The following FUT8 variants were observed in gnomAD, a reference collection of about 807,000 sequenced individuals.
FUT8 encodes fucosyltransferase 8.
A neutral mutation model predicts 71.3 loss-of-function variants in FUT8; 29 were observed. That is an observed-to-expected ratio of 0.41 (90% CI 0.30 to 0.55). The LOEUF is 0.55. Ranked by LOEUF, FUT8 falls within the 20% of genes least tolerant of loss-of-function variation. The probability of loss-of-function intolerance (pLI) is 0.34; values close to 1 mark genes in which losing one functional copy is unlikely to be tolerated. For missense variants in FUT8, 544 were observed against 702.1 expected, an observed-to-expected ratio of 0.77 and a Z score of 2.55; for synonymous variants, 254 against 239.3, an observed-to-expected ratio of 1.06 and a Z score of -0.57.
chr14:65,598,185 T>C (rs1488090215), intron 3 of FUT8, among the ~76,000 whole-genome samples: 1 of 152,120 alleles, frequency 6.6e-6, no homozygotes, highest in Non-Finnish European at 1.5e-5. Flanking sequence ...ATTATTCTAT[T>C]ATGTAACAGT....
chr14:65,706,036 C>T (rs983602127), intron 7 of FUT8, among the ~76,000 whole-genome samples: 2 of 152,182 alleles, frequency 1.3e-5, no homozygotes, highest in African/African-American at 4.8e-5. Context: ...AAAGAACTAA[C>T]ATTTTCTGAG....
rs935681165 is a variant in FUT8, at chr14:65,638,874, C to A, written c.597+9268C>A. Among the ~76,000 whole-genome samples the A allele has an allele frequency of 6.6e-6, 1 of 152,042 alleles. No individual in the cohort carries two copies. Among genetic ancestry groups the A allele is most frequent in the Non-Finnish European group, 1.5e-5 (1 of 68,022 alleles). ...GTATTTCCGCCTAACCAAAATAAAG[C>A]CAGAAGTGGTAATATCTGTAACTCA... On this transcript the variant is annotated intron_variant, in intron 6 of 10. Coordinates refer to ENST00000673929, the MANE Select transcript of FUT8 (RefSeq NM_001371533.1). This position sits in a 1 kb window ranked among gnomAD's most constrained non-coding sequence, Gnocchi z 4.5.
Position 65,413,488 on chromosome 14 carries a change from C to T in FUT8, c.-326+274C>T, listed in dbSNP as rs2065170972. On this transcript the variant is annotated intron_variant, in intron 1 of 10. Transcript: ENST00000673929. This position sits in a 1 kb window ranked among gnomAD's most constrained non-coding sequence, Gnocchi z 4.1. ...CGCGGAGCTGCGCCGCTGCTGCCCT[C>T]GGCGTCGCGCATCCTTGCCTAGGGC... Among the ~76,000 whole-genome samples, 1 of 149,904 alleles carries T rather than the reference C, an allele frequency of 6.7e-6. No individual in the cohort carries two copies. Among genetic ancestry groups the T allele is most frequent in the African/African-American group, 2.4e-5 (1 of 40,834 alleles).
chr14:65,597,696 A>G (rs1888068275), intron 3 of FUT8, among the ~76,000 whole-genome samples: 2 of 145,044 alleles, frequency 1.4e-5, no homozygotes, highest in Admixed American at 7.0e-5. Context: ...AGTAAAGTCC[A>G]TGATAGTGTA....
At chr14:65,558,463 TATA>T (rs1159788363) in intron 2 of FUT8, among the ~76,000 whole-genome samples, 1 of 152,208 alleles carries the variant, frequency 6.6e-6, no homozygotes, top group Non-Finnish European at 1.5e-5. Context: ...ACCATTTCCT[TATA>T]ATAGCATTCT....
chr14:65,625,064 CATAAATAA>C lies in FUT8; in HGVS notation c.483-4401_483-4394del, dbSNP rs145476463. ...CTGGGCAACAAGAGTGAAACTCTGT[CATAAATAA>C]ATAAATAAATAAATAAATAAATAAA... On this transcript the variant is annotated intron_variant, in intron 5 of 10. Coordinates refer to ENST00000673929, the MANE Select transcript of FUT8 (RefSeq NM_001371533.1). Among the ~76,000 whole-genome samples the C allele has an allele frequency of 1.0e-3, 150 of 146,524 alleles. 1 individual carries two copies. Among genetic ancestry groups the C allele is most frequent in the African/African-American group, 2.9e-3 (115 of 39,674 alleles).
rs533379763 is a variant in FUT8 at position 65,660,129 on chromosome 14, C to T, written c.598-9114C>T. ...TATGCATCATTAATTATCTGCCTTT[C>T]CTTTGTGGCCCTTCTGATGGCAGAA... On this transcript the variant is annotated intron_variant, in intron 6 of 10. Transcript: ENST00000673929. This position sits in a 1 kb window ranked among gnomAD's most constrained non-coding sequence, Gnocchi z 4.1. Among the ~76,000 whole-genome samples the T allele has an allele frequency of 6.6e-6, 1 of 152,168 alleles. No individual in the cohort carries two copies. Among genetic ancestry groups the T allele is most frequent in the African/African-American group, 2.4e-5 (1 of 41,518 alleles).
intron 6 of FUT8, among the ~76,000 whole-genome samples, chr14:65,647,369 T>G (rs536743173): frequency 6.6e-6 from 1 of 152,366 alleles, no homozygotes; most frequent in East Asian, 1.9e-4. Flanking sequence ...AAAGTAACTC[T>G]TATGATGCAG....
intron 1 of FUT8, among the ~76,000 whole-genome samples, chr14:65,420,159 ATTAGTGT>A (rs1170314597): frequency 6.6e-6 from 1 of 152,168 alleles, no homozygotes; most frequent in Non-Finnish European, 1.5e-5. Context: ...TAAAAAAAAG[ATTAGTGT>A]TTAGGTTTTA....
chr14:65,423,863 C>T (rs751195554), intron 1 of FUT8, among the ~76,000 whole-genome samples: 2 of 152,222 alleles, frequency 1.3e-5, no homozygotes, highest in Non-Finnish European at 2.9e-5. Context: ...AACTATTTCA[C>T]AAAACGTGCA....
rs561295390 is a variant in FUT8, at chr14:65,743,732, C to G, written c.*1322C>G. Reference sequence around the variant, plus strand: ...TGGGATTATCTTTTCCAAATTCTTCCATGTTAGAATCACTTCAGAAAATAA... The same window carrying G: ...TGGGATTATCTTTTCCAAATTCTTCGATGTTAGAATCACTTCAGAAAATAA... On this transcript the variant is annotated 3_prime_UTR_variant, in exon 11 of 11. Transcript: ENST00000673929. 1.2e-4 allele frequency: 18 copies of G among 151,948 alleles called. No individual in the cohort carries two copies. The South Asian group carries it at 3.5e-3, about 30-fold the overall frequency. 9.4% of individuals were successfully genotyped at this position (151,948 alleles called of 1,614,324 possible). A position where few individuals can be genotyped will look rare whatever the true frequency, so the allele number is the denominator to read the frequency against.
chr14:65,666,591 AC>A (rs1216527145), intron 6 of FUT8, among the ~76,000 whole-genome samples: 1 of 152,028 alleles, frequency 6.6e-6, no homozygotes, highest in Non-Finnish European at 1.5e-5. Flanking sequence ...ATTCTGCCAT[AC>A]GTATAAGAAG....
intron 3 of FUT8, among the ~76,000 whole-genome samples, chr14:65,566,577 C>T (rs1886207258): frequency 6.6e-6 from 1 of 151,908 alleles, no homozygotes; most frequent in Admixed American, 6.6e-5. Flanking sequence ...TTTAGATTTT[C>T]AGGTGGATTT....
At chr14:65,655,483 A>C (rs1392693636) in intron 6 of FUT8, among the ~76,000 whole-genome samples, 1 of 151,832 alleles carries the variant, frequency 6.6e-6, no homozygotes, top group Non-Finnish European at 1.5e-5. Flanking sequence ...CTCAAAAAAA[A>C]AAAAAAAAAA....
chr14:65,562,263 CTA>C (rs1175407068), intron 3 of FUT8, among the ~76,000 whole-genome samples: 3 of 152,054 alleles, frequency 2.0e-5, no homozygotes, highest in African/African-American at 4.8e-5. Flanking sequence ...TAAATCCAAA[CTA>C]TGTTTTAAAC....
chr14:65,362,381 G>T, the FUT8 span, among the ~76,000 whole-genome samples: 1 of 152,156 alleles, frequency 6.6e-6, no homozygotes, highest in Non-Finnish European at 1.5e-5. Context: ...ATGACTCAAT[G>T]GATTACAGAT....
intron 9 of FUT8, among the ~76,000 whole-genome samples, chr14:65,727,534 G>A (rs1270076978): frequency 1.3e-5 from 2 of 152,074 alleles, no homozygotes; most frequent in South Asian, 2.1e-4. Flanking sequence ...TGGGATGCAG[G>A]GCACCAAGTC....
At chr14:65,666,278 G>A (rs539482349) in intron 6 of FUT8, among the ~76,000 whole-genome samples, 57 of 152,132 alleles carry the variant, frequency 3.7e-4, no homozygotes, top group African/African-American at 1.3e-3. Context: ...AATAAGAAAC[G>A]TACTGGATCA....
intron 2 of FUT8, among the ~76,000 whole-genome samples, chr14:65,457,647 T>C (rs2065911634): frequency 6.6e-6 from 1 of 151,826 alleles, no homozygotes; most frequent in Non-Finnish European, 1.5e-5. Flanking sequence ...CATGAAAGGG[T>C]TGTGATTGAT....
Sources: gnomAD v4.1 joint callset for allele counts (sites outside exome capture counted in the v4.1 genomes callset) on GRCh38, gnomAD v4.1.1 for gene constraint, Gnocchi (gnomAD v3.1) non-coding constraint, MANE v1.5 for transcripts, NCBI Gene and HGNC (gene_info 2026-07-23, HGNC 2026-07-21) for gene names.